METTL13: variants seen among roughly 807,000 people sequenced by gnomAD.
METTL13 encodes methyltransferase 13, eEF1A N-terminus and K55.
Under a neutral mutation model 67.4 loss-of-function variants are expected in METTL13, and 52 were observed. The ratio of observed to expected loss-of-function variants is 0.77; its 90% CI spans 0.62 to 0.97. The LOEUF (loss-of-function observed/expected upper bound fraction) is 0.97, where lower values mean the gene tolerates loss of function less well. Ranked by LOEUF, METTL13 falls within the 50% of genes least tolerant of loss-of-function variation. The pLI is 0.00. For missense variants in METTL13, 825 were observed against 889.6 expected (o/e 0.93, Z 0.92); for synonymous variants, 354 against 353.6 (o/e 1.00, Z -0.01).
chr1:171,792,346 C>G, intron 6 of METTL13, 111 bp downstream of exon 6: 1 of 1,208,142 alleles, frequency 8.3e-7, no homozygotes, highest in Non-Finnish European at 1.2e-6. Flanking sequence ...GAGTATCGTT[C>G]CAGTCTTCAG....
chr1:171,784,337 C>G lies in METTL13; in HGVS notation c.751C>G (p.Gln251Glu). ...GGCCGAGGCGGTGCAGGAGCGACAG[C>G]AGTATGCCTGGCTGTGCAGCCAGCT... ...RLAEAVQERQ[Q>E]YAWLCSQLRR... Residue 251 changes from glutamine to glutamate, a missense_variant, in exon 2 of 8, where the codon CAG becomes GAG. Physicochemically the swap from Gln to Glu is conservative, Grantham distance 29 (BLOSUM62 2). Transcript: ENST00000361735. The G allele has an allele frequency of 6.3e-7, 1 of 1,590,560 alleles. No homozygotes were observed. Among genetic ancestry groups the G allele is most frequent in the South Asian group, 1.2e-5 (1 of 86,860 alleles).
intron 2 of METTL13, among the ~76,000 whole-genome samples, chr1:171,785,023 GC>G (rs1485268832): frequency 6.6e-6 from 1 of 152,178 alleles, no homozygotes; most frequent in Non-Finnish European, 1.5e-5. Context: ...TTCAGTTTTG[GC>G]TCAGTCATTT....
Position 171,781,714 on chromosome 1 carries a change from C to T in METTL13, c.-254C>T, listed in dbSNP as rs2294718. 6 of 1,233,668 alleles carry T rather than the reference C, an allele frequency of 4.9e-6. No homozygotes were observed. In the African/African-American group the frequency reaches 7.7e-5, roughly 16 times the overall value. 76.4% of individuals were successfully genotyped at this position (1,233,668 alleles called of 1,614,324 possible). A position where few individuals can be genotyped will look rare whatever the true frequency, so the allele number is the denominator to read the frequency against. On this transcript the variant is annotated 5_prime_UTR_variant, in exon 1 of 8. Coordinates refer to ENST00000361735, the MANE Select transcript of METTL13 (RefSeq NM_015935.5). ...TAGTTCGGGAAAAGTGTGAGGGGCT[C>T]TTCACGTGGGGAAGGAACAGCAGGC...
chr1:171,782,296 C>T (rs990212821), intron 1 of METTL13, among the ~76,000 whole-genome samples, 176 bp downstream of exon 1: 1 of 152,052 alleles, frequency 6.6e-6, no homozygotes, highest in African/African-American at 2.4e-5. Context: ...TCAGGCCGGG[C>T]GCAGTGGCTC....
At chr1:171,788,716 A>C (rs1197514295) in intron 4 of METTL13, among the ~76,000 whole-genome samples, 2 of 152,248 alleles carry the variant, frequency 1.3e-5, no homozygotes, top group Non-Finnish European at 2.9e-5. Context: ...ATAGACCGCG[A>C]AAAGTGAATG....
chr1:171,796,676 C>T lies in METTL13; in HGVS notation c.2020C>T (p.Arg674Trp), dbSNP rs140318455. ...CCTAGAAACAGCCCAGGCTTTGGAG[C>T]GGACCCTGAGGAAGCCTGGGAGGGG... is the stretch of plus-strand genomic sequence containing the variant. Reference protein sequence around the residue: ...ELLETAQALERTLRKPGRGWD... With the variant: ...ELLETAQALEWTLRKPGRGWD... Residue 674 changes from arginine to tryptophan, a missense_variant, in exon 8 of 8, where the codon CGG becomes TGG. Transcript: ENST00000361735. 1.4e-5 allele frequency: 23 copies of T among 1,614,060 alleles called. No individual in the cohort carries two copies. Among genetic ancestry groups the T allele is most frequent in the African/African-American group, 1.1e-4 (8 of 74,916 alleles).
In METTL13 at chr1:171,797,136, A is replaced by G. The variant is rs189601021; in HGVS notation, c.*380A>G. On this transcript the variant is annotated 3_prime_UTR_variant, in exon 8 of 8. Coordinates refer to ENST00000361735, the MANE Select transcript of METTL13 (RefSeq NM_015935.5). The stretch of plus-strand genomic sequence containing the variant: ...TGGTTTGCTTTTGATTTATTCCTCT[A>G]TTAGTTCTATAGGAGTGATCTCAAG... 602 of 221,492 alleles carry G rather than the reference A, an allele frequency of 2.7e-3. 6 individuals carry two copies. Among genetic ancestry groups the G allele is most frequent in the African/African-American group, 0.013 (577 of 43,622 alleles). 13.7% of individuals were successfully genotyped at this position (221,492 alleles called of 1,614,324 possible).
rs76778960 is a variant in METTL13 at position 171,785,429 on chromosome 1, C to A, written c.914-450C>A. ...GGGGCTAGACTGCCTGGGTTTGAGT[C>A]CCAGCTTCACCATTTACTTATTGTG... On this transcript the variant is annotated intron_variant, in intron 2 of 7. Transcript: ENST00000361735. 8.8e-3 allele frequency among the ~76,000 whole-genome samples: 1,337 copies of A among 152,244 alleles called. 20 individuals are homozygous for A. The highest frequency in any genetic ancestry group is 0.03 in the African/African-American group (1,265 of 41,522).
chr1:171,792,127 A>T lies in METTL13; in HGVS notation c.1585A>T (p.Met529Leu), dbSNP rs754305608. The change falls in exon 6 of 8, where the codon ATG (methionine) becomes TTG (leucine). Residue 529 changes from methionine to leucine, a missense_variant. Transcript: ENST00000361735. ...TGATGCTGTGGAGATCGATCCCTCC[A>T]TGTTGGAAGTGGCCACCCAGTGGTT... ...CIDAVEIDPSMLEVATQWFGF... is the reference protein window; with the variant it reads ...CIDAVEIDPSLLEVATQWFGF... 2 of 1,614,052 alleles carry T rather than the reference A, an allele frequency of 1.2e-6. No individual in the cohort carries two copies. Among genetic ancestry groups the T allele is most frequent in the South Asian group, 2.2e-5 (2 of 91,082 alleles).
chr1:171,796,082 G>T (rs547887948), intron 7 of METTL13, among the ~76,000 whole-genome samples: 33 of 152,002 alleles, frequency 2.2e-4, no homozygotes, highest in Non-Finnish European at 4.6e-4. Flanking sequence ...GGCCAGGCTG[G>T]TCTCAAACTC....
Position 171,797,484 on chromosome 1 carries a change from C to T in METTL13, c.*728C>T, listed in dbSNP as rs1215400281. ...CATTTGCTGAGTGACAGCTATGTGC[C>T]AGACTGCATAAAGGGTGGTGGCAGA... On this transcript the variant is annotated 3_prime_UTR_variant, in exon 8 of 8. Coordinates refer to ENST00000361735, the MANE Select transcript of METTL13 (RefSeq NM_015935.5). The T allele has an allele frequency of 6.6e-6, 1 of 152,254 alleles. No individual in the cohort carries two copies. The highest frequency in any genetic ancestry group is 2.4e-5 in the African/African-American group (1 of 41,442). The allele number at this position is 152,254 out of a possible 1,614,324, so 9.4% of individuals were successfully genotyped here. A position where few individuals can be genotyped will look rare whatever the true frequency, so the allele number is the denominator to read the frequency against.
chr1:171,783,356 G>C (rs1656889180), intron 1 of METTL13, among the ~76,000 whole-genome samples: 1 of 152,180 alleles, frequency 6.6e-6, no homozygotes, highest in African/African-American at 2.4e-5. Flanking sequence ...CCAAAGGCAT[G>C]AGTAGAGTGA....
At chr1:171,789,534 A>T (rs992900923) in intron 4 of METTL13, among the ~76,000 whole-genome samples, 3 of 152,306 alleles carry the variant, frequency 2.0e-5, no homozygotes, top group Non-Finnish European at 4.4e-5. Flanking sequence ...TATTTACTTA[A>T]CACTTCAGTG....
At chr1:171,782,182 A>G in intron 1 of METTL13, 62 bp downstream of exon 1, 1 of 1,425,160 alleles carries the variant, frequency 7.0e-7, no homozygotes, top group Non-Finnish European at 9.9e-7. Flanking sequence ...TGGTAACAGG[A>G]ATCTTGCACT....
In METTL13 at chr1:171,784,272, A is replaced by C. The variant is rs1172464941; in HGVS notation, c.686A>C (p.Glu229Ala). The change falls in exon 2 of 8, where the codon GAG (glutamate) becomes GCG (alanine). Residue 229 changes from glutamate (E) to alanine (A), a missense_variant. Glu to Ala is a moderately radical substitution (Grantham distance 107). Coordinates refer to ENST00000361735, the MANE Select transcript of METTL13 (RefSeq NM_015935.5). ...ALQIFELCAQ[E>A]QRKPVRLESA... is the part of the protein sequence containing the mutation. The stretch of plus-strand genomic sequence containing the variant: ...CAGATCTTTGAGCTGTGTGCTCAGG[A>C]GCAGCGCAAGCCTGTGCGGCTGGAG... 30 of 1,613,676 alleles carry C rather than the reference A, an allele frequency of 1.9e-5. No individual in the cohort carries two copies. Among genetic ancestry groups the C allele is most frequent in the Non-Finnish European group, 2.5e-5 (30 of 1,179,974 alleles).
rs1303377805 is a variant in METTL13, at chr1:171,790,618, T to A, written c.1474+2T>A. 2 of 1,530,608 alleles carry A rather than the reference T, an allele frequency of 1.3e-6. No individual in the cohort carries two copies. The highest frequency in any genetic ancestry group is 1.8e-6 in the Non-Finnish European group (2 of 1,141,206). 94.8% of individuals were successfully genotyped at this position (1,530,608 alleles called of 1,614,324 possible). A position where few individuals can be genotyped will look rare whatever the true frequency, so the allele number is the denominator to read the frequency against. On this transcript the variant is annotated splice_donor_variant, in intron 5 of 7. Transcript: ENST00000361735. LOFTEE classifies it high-confidence loss of function. The stretch of plus-strand genomic sequence containing the variant: ...TGAGAAACCCAGAGCTACTCCTAGG[T>A]GAGAGAGATGCCACTGCCTTCCACA...
chr1:171,792,955 G>A (rs561006938), intron 6 of METTL13, among the ~76,000 whole-genome samples: 4 of 152,228 alleles, frequency 2.6e-5, no homozygotes, highest in African/African-American at 9.6e-5. Flanking sequence ...CCAGATTTAG[G>A]ACAAAAACCA....
Position 171,781,827 on chromosome 1 carries a change from G to T in METTL13, c.-141G>T, listed in dbSNP as rs190044050. 31 of 1,485,320 alleles carry T rather than the reference G, an allele frequency of 2.1e-5. No homozygotes were observed. The highest frequency in any genetic ancestry group is 1.9e-4 in the Admixed American group (8 of 41,044). The allele number at this position is 1,485,320 out of a possible 1,614,324, so 92.0% of individuals were successfully genotyped here. ...GTCATTCCTGGGGTTTGGAGTGGGG[G>T]AACAAATCAATGTGGCTGTTTTTCC... On this transcript the variant is annotated 5_prime_UTR_variant, in exon 1 of 8. Coordinates refer to ENST00000361735, the MANE Select transcript of METTL13 (RefSeq NM_015935.5).
At chr1:171,792,657 C>T (rs144202652) in intron 6 of METTL13, among the ~76,000 whole-genome samples, 92 of 152,302 alleles carry the variant, frequency 6.0e-4, no homozygotes, top group African/African-American at 2.1e-3. Flanking sequence ...CATGTAAGAT[C>T]AGTGGTATAC....
Sources: allele counts gnomAD v4.1 joint callset (sites outside exome capture counted in the v4.1 genomes callset), GRCh38; gene constraint gnomAD v4.1.1; transcripts MANE v1.5; gene names NCBI Gene and HGNC (gene_info 2026-07-23, HGNC 2026-07-21).